Variants in TRPM1 observed in about 807,000 individuals in gnomAD.
TRPM1 encodes transient receptor potential cation channel subfamily M member 1.
Under a neutral mutation model 149.4 loss-of-function variants are expected in TRPM1, and 113 were observed. That is an observed-to-expected ratio of 0.76 (90% CI 0.65 to 0.88). TRPM1 has a LOEUF of 0.88. Among genes scored for constraint, TRPM1 ranks in the 40% least tolerant of loss-of-function variants. TRPM1 has a pLI of 0.00. For missense variants in TRPM1, 1,976 were observed against 2,038.7 expected, an observed-to-expected ratio of 0.97 and a Z score of 0.59; for synonymous variants, 741 against 759.5, an observed-to-expected ratio of 0.98 and a Z score of 0.40.
At position 31,026,178 on chromosome 15, in the gene TRPM1, T is replaced by G. The variant is rs948369031; in HGVS notation, c.3590A>C (p.Gln1197Pro). The change falls in exon 27 of 28, where the codon CAG (glutamine) becomes CCG (proline). Residue 1197 changes from glutamine to proline, a missense_variant. Gln to Pro is a moderately conservative substitution (Grantham distance 76). This residue lies in a region of TRPM1 where 572 missense variants were observed against 578.9 expected (regional missense o/e 0.99). Coordinates refer to ENST00000256552, the MANE Select transcript of TRPM1 (RefSeq NM_001252024.2). Reference protein sequence around the residue: ...EHFREKEDEQQSSSDERIRVT... With the variant: ...EHFREKEDEQPSSSDERIRVT... ...CCGGATGCGCTCGTCGCTGGACGAC[T>G]GCTGCTCATCCTCCTTCTCCCGGAA... The G allele has an allele frequency of 1.9e-6, 3 of 1,612,482 alleles. No homozygotes were observed. Among genetic ancestry groups the G allele is most frequent in the East Asian group, 4.5e-5 (2 of 44,890 alleles).
chr15:31,012,276 C>A (rs545972781), intron 27 of TRPM1, among the ~76,000 whole-genome samples: 3 of 152,300 alleles, frequency 2.0e-5, no homozygotes, highest in Admixed American at 1.3e-4. Context: ...GAAAAACTAT[C>A]TTTAGTATCC....
chr15:31,071,044 C>G (rs2034524075), intron 3 of TRPM1, among the ~76,000 whole-genome samples: 1 of 152,238 alleles, frequency 6.6e-6, no homozygotes, highest in Non-Finnish European at 1.5e-5. Context: ...GCCAACCTCT[C>G]ACGCCCTCCC....
intron 1 of TRPM1, among the ~76,000 whole-genome samples, chr15:31,092,405 A>G (rs1385953844): frequency 1.4e-4 from 21 of 152,146 alleles, no homozygotes; most frequent in Admixed American, 1.4e-3. Context: ...AGTGGCACCA[A>G]AAGAGGAGAT....
At chr15:31,102,133 T>C (rs1325967783), upstream of TRPM1, among the ~76,000 whole-genome samples, 1 of 152,228 alleles carries the variant, frequency 6.6e-6, no homozygotes, top group Non-Finnish European at 1.5e-5. Flanking sequence ...TTACTGCTAA[T>C]CCTTCCTCAT....
intron 1 of TRPM1, among the ~76,000 whole-genome samples, chr15:31,145,726 C>T (rs1466440813): frequency 2.6e-5 from 4 of 152,072 alleles, no homozygotes; most frequent in Admixed American, 2.6e-4. Flanking sequence ...AGCGTAGAGA[C>T]ACGGCTGCAA....
chr15:31,050,329 A>T, intron 12 of TRPM1, 80 bp downstream of exon 12: 2 of 1,607,696 alleles, frequency 1.2e-6, no homozygotes, highest in Admixed American at 3.3e-5. Flanking sequence ...CCTGGGTGGG[A>T]CTGAAGCAAG....
chr15:31,044,662 T>C (rs2033713981), intron 16 of TRPM1, among the ~76,000 whole-genome samples: 2 of 151,396 alleles, frequency 1.3e-5, no homozygotes, highest in African/African-American at 4.9e-5. Context: ...GCACCTGCAG[T>C]CCCAGCTACT....
Position 31,040,324 on chromosome 15 carries a change from C to G in TRPM1, c.2110G>C (p.Glu704Gln). ...NSKDFGQLAL[E>Q]LLDQSYKHDE... is the part of the protein sequence containing the mutation. ...TGCTTATAGGACTGGTCTAATAACT[C>G]CAAAGCAAGCTGGCCGAAGTCTCTG... The change falls in exon 18 of 28, where the codon GAG becomes CAG. Residue 704 changes from glutamate to glutamine, a missense_variant. Glu to Gln is a conservative substitution (Grantham distance 29). Coordinates refer to ENST00000256552, the MANE Select transcript of TRPM1 (RefSeq NM_001252024.2). The surrounding 1 kb of genome is among the most constrained non-coding windows in gnomAD (Gnocchi z 4.2). 6.2e-7 allele frequency: 1 copy of G among 1,614,148 alleles called. No homozygotes were observed. Among genetic ancestry groups the G allele is most frequent in the Non-Finnish European group, 8.5e-7 (1 of 1,180,016 alleles).
chr15:31,077,639 G>C (rs1356667197), intron 2 of TRPM1, among the ~76,000 whole-genome samples: 1 of 152,170 alleles, frequency 6.6e-6, no homozygotes, highest in Non-Finnish European at 1.5e-5. Context: ...ATCCCTGGAA[G>C]GGCTCGTGGG....
At chr15:31,128,459 G>T (rs1326822531) in intron 1 of TRPM1, among the ~76,000 whole-genome samples, 1 of 152,176 alleles carries the variant, frequency 6.6e-6, no homozygotes, top group African/African-American at 2.4e-5. Flanking sequence ...CACCTGGCCG[G>T]CTGCACAGGT....
intron 1 of TRPM1, among the ~76,000 whole-genome samples, chr15:31,091,724 G>A (rs1027122259): frequency 6.6e-6 from 1 of 152,172 alleles, no homozygotes; most frequent in African/African-American, 2.4e-5. Context: ...TGTGGTCTGT[G>A]GTGACCAGTG....
Position 31,040,495 on chromosome 15 carries a change from A to G in TRPM1, c.2088-149T>C. 1.4e-6 allele frequency: 1 copy of G among 727,520 alleles called. No individual in the cohort carries two copies. Among genetic ancestry groups the G allele is most frequent in the Non-Finnish European group, 2.4e-6 (1 of 422,656 alleles). The allele number at this position is 727,520 out of a possible 1,614,324, so 45.1% of individuals were successfully genotyped here. A position where few individuals can be genotyped will look rare whatever the true frequency, so the allele number is the denominator to read the frequency against. Reference sequence around the variant, plus strand: ...AGGTTCTCTGCAAGCAAGAAGCTCCAGGGATGTGTCCCCAAAGGGGGAAGG... The same window carrying G: ...AGGTTCTCTGCAAGCAAGAAGCTCCGGGGATGTGTCCCCAAAGGGGGAAGG... On this transcript the variant is annotated intron_variant, in intron 17 of 27. Coordinates refer to ENST00000256552, the MANE Select transcript of TRPM1 (RefSeq NM_001252024.2). The surrounding 1 kb of genome is among the most constrained non-coding windows in gnomAD (Gnocchi z 4.2).
intron 1 of TRPM1, among the ~76,000 whole-genome samples, chr15:31,131,630 A>T (rs1210170217): frequency 6.6e-6 from 1 of 152,174 alleles, no homozygotes; most frequent in Non-Finnish European, 1.5e-5. Context: ...TCCCCTGTGG[A>T]TGAAGGGGGG....
Position 31,060,632 on chromosome 15 carries a change from G to A in TRPM1, c.1175C>T (p.Ser392Phe). The A allele has an allele frequency of 1.2e-6, 2 of 1,614,118 alleles. No homozygotes were observed. The highest frequency in any genetic ancestry group is 1.3e-5 in the African/African-American group (1 of 75,050). ...TGCCAAGCTCAGCTGATCTGGAGCAGATACGTTTGTTCCTGGAAAGGCAAG... is the reference window on the plus strand; with the variant it reads ...TGCCAAGCTCAGCTGATCTGGAGCAAATACGTTTGTTCCTGGAAAGGCAAG... ...LTALLKGTNV[S>F]APDQLSLALA... Residue 392 changes from serine to phenylalanine, a missense_variant, in exon 11 of 28, where the codon TCT becomes TTT. Physicochemically the swap from Ser to Phe is radical, Grantham distance 155 (BLOSUM62 -2). This residue lies in a region of TRPM1 where 1,332 missense variants were observed against 1,347.1 expected (regional missense o/e 0.99). Coordinates refer to ENST00000256552, the MANE Select transcript of TRPM1 (RefSeq NM_001252024.2).
intron 1 of TRPM1, among the ~76,000 whole-genome samples, chr15:31,127,382 C>T (rs558671243): frequency 3.9e-5 from 6 of 152,324 alleles, no homozygotes; most frequent in Admixed American, 1.3e-4. Flanking sequence ...GCATCTTAAC[C>T]GCTGAGTTTC....
At chr15:31,114,994 C>T (rs2035777939) in intron 1 of TRPM1, among the ~76,000 whole-genome samples, 1 of 152,224 alleles carries the variant, frequency 6.6e-6, no homozygotes, top group Non-Finnish European at 1.5e-5. Flanking sequence ...GTGGCTCATG[C>T]CTGTAATCCC....
intron 7 of TRPM1, 138 bp downstream of exon 7, chr15:31,065,938 G>C (rs1447236766): frequency 1.9e-6 from 2 of 1,041,796 alleles, no homozygotes; most frequent in African/African-American, 1.6e-5. Context: ...AAGACATCTA[G>C]GTGAGTCATT....
chr15:31,147,946 C>T (rs886713828), intron 1 of TRPM1, among the ~76,000 whole-genome samples: 3 of 152,116 alleles, frequency 2.0e-5, no homozygotes, highest in East Asian at 1.9e-4. Flanking sequence ...ACTGAAATCT[C>T]GCCTGGGGCT....
chr15:31,091,063 C>T (rs1276316497), intron 1 of TRPM1, among the ~76,000 whole-genome samples: 4 of 152,200 alleles, frequency 2.6e-5, no homozygotes, highest in African/African-American at 7.2e-5. Context: ...AAAAGTGCAA[C>T]GAGGGTAATA....
Sources: gnomAD v4.1 joint callset for allele counts (sites outside exome capture counted in the v4.1 genomes callset) on GRCh38, gnomAD v4.1.1 for gene constraint, gnomAD v4.1.1 regional missense constraint, Gnocchi (gnomAD v3.1) non-coding constraint, MANE v1.5 for transcripts, NCBI Gene and HGNC (gene_info 2026-07-23, HGNC 2026-07-21) for gene names.